Variants in VPS8 observed in about 807,000 individuals in gnomAD.
VPS8 encodes vacuolar protein sorting-associated protein 8 homolog.
VPS8 carries 129 observed loss-of-function variants against 216.4 expected under a neutral mutation model. The ratio of observed to expected loss-of-function variants is 0.60; its 90% CI spans 0.52 to 0.69. VPS8 has a LOEUF of 0.69. Ranked by LOEUF, VPS8 falls within the 30% of genes least tolerant of loss-of-function variation. The pLI is 0.00. For missense variants in VPS8, 1,531 were observed against 1,683.5 expected (o/e 0.91, Z 1.59); for synonymous variants, 571 against 565.4 (o/e 1.01, Z -0.14).
intron 11 of VPS8, among the ~76,000 whole-genome samples, 152 bp downstream of exon 11, chr3:184,852,719 GAACA>G (rs1724544419): frequency 1.3e-5 from 2 of 152,274 alleles, no homozygotes; most frequent in African/African-American, 2.4e-5. Context: ...TATATTAATA[GAACA>G]AACAGAGTTC....
intron 46 of VPS8, among the ~76,000 whole-genome samples, chr3:185,047,687 C>G (rs1477924008): frequency 6.6e-6 from 1 of 152,186 alleles, no homozygotes; most frequent in African/African-American, 2.4e-5. Flanking sequence ...ATATATATCT[C>G]ATTTAATTTT....
intron 1 of VPS8, among the ~76,000 whole-genome samples, chr3:184,823,873 A>G (rs1005554229): frequency 2.0e-5 from 3 of 152,220 alleles, no homozygotes; most frequent in African/African-American, 7.2e-5. Context: ...AAAAAGCTGT[A>G]TAAGTTTCTA....
rs539130777 is a variant in VPS8 at position 184,885,745 on chromosome 3, A to G, written c.1735-365A>G. Among the ~76,000 whole-genome samples, 5 of 152,328 alleles carry G rather than the reference A, an allele frequency of 3.3e-5. No homozygotes were observed. In the South Asian group the frequency reaches 6.2e-4, roughly 19 times the overall value. On this transcript the variant is annotated intron_variant, in intron 21 of 47. Transcript: ENST00000625842. ...AAGATATATGTAGTGTTTTACTTAA[A>G]TAACAAAATTTACTTATTTTCCCAT...
rs1724506568 is a variant in VPS8 at position 184,852,543 on chromosome 3, GCT to G, written c.800_801del (p.Ser267CysfsTer3). 6.2e-7 allele frequency: 1 copy of G among 1,613,498 alleles called. No homozygotes were observed. The highest frequency in any genetic ancestry group is 1.7e-5 in the Admixed American group (1 of 59,944). On this transcript the variant is annotated frameshift_variant, in exon 11 of 48. Transcript: ENST00000625842. LOFTEE classifies it high-confidence loss of function. ...CTTGCAATTTGCAACGACAGCGGAGGCTCTGTTTTTGAATTGACATTTAAGTA... is the reference window on the plus strand; with the variant it reads ...CTTGCAATTTGCAACGACAGCGGAGGCTGTTTTTGAATTGACATTTAAGTA...
chr3:185,000,785 T>C (rs1753310192), intron 45 of VPS8, among the ~76,000 whole-genome samples: 1 of 152,090 alleles, frequency 6.6e-6, no homozygotes, highest in African/African-American at 2.4e-5. Context: ...TTTTGTATTT[T>C]TAGTAGAGTT....
intron 36 of VPS8, among the ~76,000 whole-genome samples, chr3:184,956,806 CTTTA>C (rs1745683806): frequency 6.6e-6 from 1 of 152,112 alleles, no homozygotes. Flanking sequence ...AGTATTACTC[CTTTA>C]TTTATTATAA....
chr3:184,964,806 A>G lies in VPS8; in HGVS notation c.3273+249A>G, dbSNP rs140046701. On this transcript the variant is annotated intron_variant, in intron 38 of 47. Coordinates refer to ENST00000625842, the MANE Select transcript of VPS8 (RefSeq NM_001009921.3). ...ATGAGTTTTTGACAAGTATTTTTAT[A>G]TATATACCACAATCTGTTTGCCCAT... 2.8e-4 allele frequency among the ~76,000 whole-genome samples: 42 copies of G among 152,314 alleles called. No homozygotes were observed. The East Asian group carries it at 7.7e-3, about 28-fold the overall frequency.
chr3:184,936,742 CT>C (rs879437188), intron 35 of VPS8, among the ~76,000 whole-genome samples: 1,563 of 143,710 alleles, frequency 0.011, 21 homozygotes, highest in African/African-American at 0.029. Context: ...ACCCCGTTTT[CT>C]TTTTTTTTTT....
intron 13 of VPS8, among the ~76,000 whole-genome samples, chr3:184,855,352 T>A (rs1166525325): frequency 6.6e-6 from 1 of 152,184 alleles, no homozygotes; most frequent in East Asian, 1.9e-4. Context: ...CAGAAACCAG[T>A]ATTCTTTCCC....
chr3:184,863,191 A>G (rs1726696545), intron 16 of VPS8, 124 bp downstream of exon 16: 2 of 1,159,838 alleles, frequency 1.7e-6, no homozygotes, highest in Admixed American at 2.5e-5. Context: ...GTGTTTCTTT[A>G]CAAGCCACTA....
intron 25 of VPS8, among the ~76,000 whole-genome samples, chr3:184,909,417 G>A (rs1272645208): frequency 6.6e-6 from 1 of 152,148 alleles, no homozygotes; most frequent in African/African-American, 2.4e-5. Context: ...TCTGAGGTCT[G>A]TTTCTCTGGG....
At chr3:184,980,702 A>G (rs1290297356) in intron 40 of VPS8, among the ~76,000 whole-genome samples, 2 of 152,164 alleles carry the variant, frequency 1.3e-5, no homozygotes, top group African/African-American at 2.4e-5. Context: ...TGGCTATTTC[A>G]TCTTTCAGCT....
At chr3:185,046,568 A>G (rs1468241671) in intron 46 of VPS8, among the ~76,000 whole-genome samples, 3 of 152,074 alleles carry the variant, frequency 2.0e-5, no homozygotes, top group African/African-American at 7.2e-5. Context: ...ACAGGATTGG[A>G]GCCCATGTTT....
chr3:184,889,939 A>G (rs1342225425), intron 22 of VPS8, among the ~76,000 whole-genome samples: 2 of 152,350 alleles, frequency 1.3e-5, no homozygotes, highest in South Asian at 2.1e-4. Context: ...CAAACATGCA[A>G]TGACTAAAGA....
chr3:184,821,368 G>T (rs963314719), intron 1 of VPS8, among the ~76,000 whole-genome samples: 2 of 151,668 alleles, frequency 1.3e-5, no homozygotes, highest in Admixed American at 1.3e-4. Context: ...TTTAGAGACG[G>T]AGTCTTGCTC....
chr3:184,826,110 A>G (rs1718711057), intron 2 of VPS8, 53 bp from the exon 3 acceptor site: 6 of 1,356,238 alleles, frequency 4.4e-6, no homozygotes, highest in East Asian at 2.3e-5. Context: ...ACCCCTCACA[A>G]TTATAAGCAG....
intron 40 of VPS8, among the ~76,000 whole-genome samples, chr3:184,979,587 A>G (rs2109725753): frequency 6.6e-6 from 1 of 152,126 alleles, no homozygotes; most frequent in South Asian, 2.1e-4. Flanking sequence ...TTGTTGTTTT[A>G]AAGTCTCTTT....
At chr3:184,818,515 C>G (rs1197701549) in intron 1 of VPS8, among the ~76,000 whole-genome samples, 1 of 137,782 alleles carries the variant, frequency 7.3e-6, no homozygotes, top group African/African-American at 2.7e-5. Flanking sequence ...GAGGGGGAAC[C>G]TGTCTCAAAA....
intron 1 of VPS8, among the ~76,000 whole-genome samples, chr3:184,821,756 T>C (rs1254033319): frequency 6.6e-6 from 1 of 152,114 alleles, no homozygotes; most frequent in South Asian, 2.1e-4. Context: ...GCTTAGTGTT[T>C]AGTTAGGTGT....
Sources: allele counts gnomAD v4.1 joint callset (sites outside exome capture counted in the v4.1 genomes callset), GRCh38; gene constraint gnomAD v4.1.1; transcripts MANE v1.5; gene names NCBI Gene and HGNC (gene_info 2026-07-23, HGNC 2026-07-21).